The following XYLB variants were observed in gnomAD, a reference collection of about 807,000 sequenced individuals.
XYLB encodes the protein xylulokinase.
In XYLB, 62 loss-of-function variants were observed where a neutral mutation model predicts 78.7. The observed-to-expected ratio is 0.79, with a 90% CI of 0.64 to 0.97. XYLB has a LOEUF of 0.97. Among genes scored for constraint, XYLB ranks in the 50% least tolerant of loss-of-function variants. The probability of loss-of-function intolerance (pLI) is 0.00; values close to 1 mark genes in which losing one functional copy is unlikely to be tolerated. For missense variants in XYLB, 687 were observed against 676.8 expected (o/e 1.02, Z -0.17); for synonymous variants, 245 against 247.4 (o/e 0.99, Z 0.09).
At chr3:38,436,994 A>T in the XYLB span, among the ~76,000 whole-genome samples, 2 of 136,818 alleles carry the variant, frequency 1.5e-5, no homozygotes, top group African/African-American at 5.5e-5. Flanking sequence ...ACAGAGTGAG[A>T]CTCCTTCTAA....
chr3:38,395,118 T>C (rs940439323), intron 15 of XYLB, among the ~76,000 whole-genome samples: 23 of 152,210 alleles, frequency 1.5e-4, no homozygotes, highest in Admixed American at 8.5e-4. Flanking sequence ...GGAGGGATTA[T>C]GTGGAGGCCA....
At chr3:38,356,167 C>G (rs2844437) in intron 2 of XYLB, 141,444 of 163,096 alleles carry the variant, frequency 0.87, 62,260 homozygotes, top group East Asian at 1. Context: ...AGGAGAATGG[C>G]GTGAACCTGG....
At chr3:38,364,391 T>A (rs541442636) in intron 4 of XYLB, among the ~76,000 whole-genome samples, 1 of 152,022 alleles carries the variant, frequency 6.6e-6, no homozygotes, top group Admixed American at 6.5e-5. Flanking sequence ...AAGCCTTTAA[T>A]ACATTCAGCT....
rs1311409681 is a variant in XYLB at position 38,397,048 on chromosome 3, G to A, written c.1351-24G>A. The A allele has an allele frequency of 4.3e-6, 7 of 1,613,108 alleles. No homozygotes were observed. The African/African-American group carries it at 8.0e-5, about 18-fold the overall frequency. On this transcript the variant is annotated intron_variant, in intron 16 of 18. Transcript: ENST00000207870. The stretch of plus-strand genomic sequence containing the variant: ...TCCCTCTGAGGAATGGCTCACCACA[G>A]TAGAACCTCTGTGTCCTTTTCAGGT...
chr3:38,448,675 G>GGTCT, the XYLB span, among the ~76,000 whole-genome samples: 1 of 152,166 alleles, frequency 6.6e-6, no homozygotes, highest in Non-Finnish European at 1.5e-5. Context: ...TTCCTCTGGT[G>GGTCT]GGTAGTTAAA....
chr3:38,422,342 A>T (rs1709005521), downstream of XYLB, among the ~76,000 whole-genome samples: 1 of 152,192 alleles, frequency 6.6e-6, no homozygotes, highest in Non-Finnish European at 1.5e-5. Context: ...ATATGTGGAA[A>T]TGGGGAGAAG....
chr3:38,405,724 G>A (rs189546348), intron 18 of XYLB, among the ~76,000 whole-genome samples: 26 of 152,362 alleles, frequency 1.7e-4, no homozygotes, highest in Admixed American at 7.2e-4. Context: ...GGCGCACCAG[G>A]AGATTATATC....
At chr3:38,424,951 C>T (rs2125698223), downstream of XYLB, among the ~76,000 whole-genome samples, 1 of 152,302 alleles carries the variant, frequency 6.6e-6, no homozygotes, top group South Asian at 2.1e-4. Context: ...GATAATTTAA[C>T]CCATGTTAAT....
At chr3:38,389,281 G>C (rs375523915) in intron 15 of XYLB, among the ~76,000 whole-genome samples, 189 of 146,040 alleles carry the variant, frequency 1.3e-3, no homozygotes, top group Non-Finnish European at 2.0e-3. Flanking sequence ...AGATCAACAG[G>C]ATCCCAAGGC....
chr3:38,353,229 C>A (rs181948568), intron 2 of XYLB, among the ~76,000 whole-genome samples: 4 of 152,126 alleles, frequency 2.6e-5, no homozygotes, highest in African/African-American at 9.7e-5. Flanking sequence ...TATCCAGGTA[C>A]GTAGTATGAC....
At chr3:38,384,411 A>G (rs967740718) in intron 15 of XYLB, among the ~76,000 whole-genome samples, 16 of 152,118 alleles carry the variant, frequency 1.1e-4, no homozygotes, top group African/African-American at 3.9e-4. Flanking sequence ...AGCATCTTCC[A>G]TAGCTTGAAT....
intron 17 of XYLB, among the ~76,000 whole-genome samples, chr3:38,397,898 A>T (rs1207733442): frequency 6.8e-6 from 1 of 148,110 alleles, no homozygotes; most frequent in East Asian, 2.0e-4. Flanking sequence ...GGTTCAATGC[A>T]AGCTCTGCCT....
chr3:38,353,859 C>T (rs1232110822), intron 2 of XYLB, among the ~76,000 whole-genome samples: 2 of 137,758 alleles, frequency 1.5e-5, no homozygotes, highest in Admixed American at 7.8e-5. Context: ...TGCATTCCAG[C>T]CTGGGTGACA....
chr3:38,375,379 G>A (rs2125602811), intron 12 of XYLB, 120 bp downstream of exon 12: 4 of 837,484 alleles, frequency 4.8e-6, no homozygotes, highest in Middle Eastern at 2.5e-4. Context: ...CCACTTTCCC[G>A]GGCTCTGCTG....
At chr3:38,389,536 C>T (rs1206975536) in intron 15 of XYLB, among the ~76,000 whole-genome samples, 1 of 152,044 alleles carries the variant, frequency 6.6e-6, no homozygotes, top group African/African-American at 2.4e-5. Context: ...CAGAGGCACC[C>T]CCCACCTCCC....
At chr3:38,372,935 G>T (rs78763726) in intron 10 of XYLB, among the ~76,000 whole-genome samples, 199 bp downstream of exon 10, 3 of 151,904 alleles carry the variant, frequency 2.0e-5, no homozygotes, top group African/African-American at 4.8e-5. Context: ...CCCACCCTGC[G>T]ATCTGACTCC....
intron 18 of XYLB, 145 bp downstream of exon 18, chr3:38,401,130 G>A: frequency 1.4e-6 from 1 of 692,828 alleles, no homozygotes; most frequent in Non-Finnish European, 2.4e-6. Context: ...TCAAGAAAAT[G>A]GAGCTAAAGG....
intron 17 of XYLB, among the ~76,000 whole-genome samples, chr3:38,398,191 C>T (rs1285650090): frequency 2.0e-5 from 3 of 150,190 alleles, no homozygotes; most frequent in Admixed American, 6.6e-5. Context: ...TAACCTTGGC[C>T]GGGTGTGGTG....
At chr3:38,347,239 G>T (rs1382685897) in intron 1 of XYLB, among the ~76,000 whole-genome samples, 3 of 152,238 alleles carry the variant, frequency 2.0e-5, no homozygotes. Flanking sequence ...GGACTCGGCG[G>T]GTTCCTGCGC....
Sources: gnomAD v4.1 joint callset for allele counts (sites outside exome capture counted in the v4.1 genomes callset) on GRCh38, gnomAD v4.1.1 for gene constraint, MANE v1.5 for transcripts, NCBI Gene and HGNC (gene_info 2026-07-23, HGNC 2026-07-21) for gene names.